CHD5: variants seen among roughly 807,000 people sequenced by gnomAD.
The protein encoded by CHD5 is ATP-dependent chromatin remodeler CHD5.
Under a neutral mutation model 230.3 loss-of-function variants are expected in CHD5, and 69 were observed. The observed-to-expected ratio is 0.30, with a 90% CI of 0.25 to 0.37. The LOEUF (loss-of-function observed/expected upper bound fraction) is 0.37, where lower values mean the gene tolerates loss of function less well. CHD5 is among the 10% of genes least tolerant of loss of function. CHD5 has a pLI of 1.00. For missense variants in CHD5, 1,827 were observed against 2,622.8 expected (o/e 0.70, Z 6.63); for synonymous variants, 1,064 against 1,065.9 (o/e 1.00, Z 0.03).
chr1:6,173,819 G>A (rs1054836324), intron 1 of CHD5, among the ~76,000 whole-genome samples: 13 of 152,280 alleles, frequency 8.5e-5, no homozygotes, highest in African/African-American at 2.6e-4. Flanking sequence ...TCAGGCTGCC[G>A]TTAGTCCTCG....
intron 17 of CHD5, 58 bp downstream of exon 17, chr1:6,136,459 C>T (rs1666748202): frequency 1.9e-6 from 3 of 1,598,268 alleles, no homozygotes; most frequent in Non-Finnish European, 2.6e-6. Flanking sequence ...ATTGATCCGT[C>T]TTCACTGGGG....
At chr1:6,168,126 G>A (rs1459872919) in intron 2 of CHD5, 24 bp downstream of exon 2, 11 of 1,582,384 alleles carry the variant, frequency 7.0e-6, no homozygotes, top group South Asian at 2.3e-5. Flanking sequence ...CCCCAAGCTC[G>A]CCGGCGCAGG....
intron 2 of CHD5, among the ~76,000 whole-genome samples, chr1:6,165,907 C>A (rs568111246): frequency 3.3e-5 from 5 of 151,986 alleles, no homozygotes; most frequent in African/African-American, 1.2e-4. Context: ...TTTGAGACCC[C>A]GGGGAAGATG....
Position 6,167,280 on chromosome 1 carries a change from C to A in CHD5, c.207+870G>T, listed in dbSNP as rs1367665087. ...CTGGATTCAGATCTCAGCACCACCA[C>A]TGTGTCACTGTGTGACCTTGGGCCA... On this transcript the variant is annotated intron_variant, in intron 2 of 41. Transcript: ENST00000262450. The surrounding 1 kb of genome is among the most constrained non-coding windows in gnomAD (Gnocchi z 4.5). Among the ~76,000 whole-genome samples, 1 of 152,218 alleles carries A rather than the reference C, an allele frequency of 6.6e-6. No individual in the cohort carries two copies. The highest frequency in any genetic ancestry group is 2.4e-5 in the African/African-American group (1 of 41,454).
At chr1:6,179,088 G>C (rs903905943) in intron 1 of CHD5, among the ~76,000 whole-genome samples, 6 of 152,236 alleles carry the variant, frequency 3.9e-5, no homozygotes, top group African/African-American at 1.4e-4. Flanking sequence ...GTTAACTAAA[G>C]AACTGTCCCG....
chr1:6,108,743 CAG>C (rs1259753203), intron 38 of CHD5, among the ~76,000 whole-genome samples: 2 of 124,020 alleles, frequency 1.6e-5, no homozygotes, highest in African/African-American at 3.2e-5. Context: ...GATGGAGAGA[CAG>C]AGGGATGGAG....
In CHD5 at chr1:6,125,440, G is replaced by T; in HGVS notation, c.4260+84C>A. ...TCCGCCTCTACCTGGCATGAGACCC[G>T]GGGCAGTCCCCCAGCCCTCCTCCAT... On this transcript the variant is annotated intron_variant, in intron 28 of 41. Coordinates refer to ENST00000262450, the MANE Select transcript of CHD5 (RefSeq NM_015557.3). This position sits in a 1 kb window ranked among gnomAD's most constrained non-coding sequence, Gnocchi z 6.7. 1 of 1,420,408 alleles carries T rather than the reference G, an allele frequency of 7.0e-7. No individual in the cohort carries two copies. The highest frequency in any genetic ancestry group is 9.7e-7 in the Non-Finnish European group (1 of 1,033,978). The allele number at this position is 1,420,408 out of a possible 1,614,324, so 88.0% of individuals were successfully genotyped here. A position where few individuals can be genotyped will look rare whatever the true frequency, so the allele number is the denominator to read the frequency against.
In CHD5 at chr1:6,106,158, C is replaced by T; in HGVS notation, c.*46+76G>A. Reference sequence around the variant, plus strand: ...TAGGGACGGGAGTCAAGTGCAGGGGCAGGGCTGACTGTGGCCAGGCCTGGT... The same window carrying T: ...TAGGGACGGGAGTCAAGTGCAGGGGTAGGGCTGACTGTGGCCAGGCCTGGT... On this transcript the variant is annotated intron_variant, in intron 41 of 41. Coordinates refer to ENST00000262450, the MANE Select transcript of CHD5 (RefSeq NM_015557.3). 9 of 1,355,102 alleles carry T rather than the reference C, an allele frequency of 6.6e-6. No individual in the cohort carries two copies. The South Asian group carries it at 8.4e-5, about 13-fold the overall frequency. 83.9% of individuals were successfully genotyped at this position (1,355,102 alleles called of 1,614,324 possible).
intron 33 of CHD5, among the ~76,000 whole-genome samples, chr1:6,118,337 C>A (rs141905133): frequency 0.012 from 1,843 of 148,026 alleles, 32 homozygotes; most frequent in African/African-American, 0.039. Flanking sequence ...CAAGATCATG[C>A]CACTGCACTC....
At chr1:6,163,526 G>A (rs1667209155) in intron 2 of CHD5, among the ~76,000 whole-genome samples, 1 of 152,180 alleles carries the variant, frequency 6.6e-6, no homozygotes, top group South Asian at 2.1e-4. Flanking sequence ...CCTTTTTGTG[G>A]TGTTTTTCCA....
At chr1:6,136,327 T>A (rs1666746027) in intron 17 of CHD5, among the ~76,000 whole-genome samples, 190 bp downstream of exon 17, 2 of 152,196 alleles carry the variant, frequency 1.3e-5, no homozygotes, top group Non-Finnish European at 2.9e-5. Context: ...CATTCCCATG[T>A]GCCCACGCCA....
rs186731750 is a variant in CHD5, at chr1:6,121,376, C to T, written c.4779+118G>A. 11 of 1,499,520 alleles carry T rather than the reference C, an allele frequency of 7.3e-6. No individual in the cohort carries two copies. The highest frequency in any genetic ancestry group is 1.0e-5 in the Non-Finnish European group (11 of 1,091,310). 92.9% of individuals were successfully genotyped at this position (1,499,520 alleles called of 1,614,324 possible). A position where few individuals can be genotyped will look rare whatever the true frequency, so the allele number is the denominator to read the frequency against. On this transcript the variant is annotated intron_variant, in intron 32 of 41. Transcript: ENST00000262450. The surrounding 1 kb of genome is among the most constrained non-coding windows in gnomAD (Gnocchi z 4.5). ...AGCCTGCTCCCCGCCGATTCAGAGC[C>T]CCGAAAAGGGAGCCAGGAGGCCTGG...
intron 15 of CHD5, among the ~76,000 whole-genome samples, chr1:6,139,129 A>C (rs2100854484): frequency 6.6e-6 from 1 of 152,276 alleles, no homozygotes; most frequent in African/African-American, 2.4e-5. Flanking sequence ...TTCATGTTTA[A>C]TGGGGACAGT....
At chr1:6,136,437 C>A in intron 17 of CHD5, 80 bp downstream of exon 17, 1 of 1,534,320 alleles carries the variant, frequency 6.5e-7, no homozygotes, top group East Asian at 2.3e-5. Context: ...GGTCTCACAG[C>A]CAGGATGGGC....
intron 1 of CHD5, among the ~76,000 whole-genome samples, chr1:6,177,084 G>A (rs1667439335): frequency 1.3e-5 from 2 of 152,242 alleles, no homozygotes; most frequent in Non-Finnish European, 1.5e-5. Flanking sequence ...GGGGAGGTGG[G>A]AGATGAGCAG....
intron 2 of CHD5, among the ~76,000 whole-genome samples, chr1:6,164,934 G>A (rs1382552434): frequency 1.3e-5 from 2 of 152,198 alleles, no homozygotes; most frequent in Non-Finnish European, 2.9e-5. Context: ...AAAGGAGAGA[G>A]AGGAGATGCC....
chr1:6,102,022 C>T lies in CHD5; in HGVS notation c.*3452G>A. The T allele has an allele frequency of 5.1e-6, 2 of 389,098 alleles. No homozygotes were observed. Among genetic ancestry groups the T allele is most frequent in the Non-Finnish European group, 5.2e-6 (1 of 193,976 alleles). 24.1% of individuals were successfully genotyped at this position (389,098 alleles called of 1,614,324 possible). On this transcript the variant is annotated 3_prime_UTR_variant, in exon 42 of 42. Coordinates refer to ENST00000262450, the MANE Select transcript of CHD5 (RefSeq NM_015557.3). The stretch of plus-strand genomic sequence containing the variant: ...CACCCAGCCCAGGGCCCTCCCTTTG[C>T]CAGCCTGGGGCTGTGCCTGGGGAAA...
intron 36 of CHD5, among the ~76,000 whole-genome samples, chr1:6,110,733 G>A (rs958093169): frequency 1.3e-5 from 2 of 152,222 alleles, no homozygotes; most frequent in African/African-American, 4.8e-5. Context: ...TGCCCTGGGT[G>A]CACCAGACAC....
rs1468090527 is a variant in CHD5, at chr1:6,146,854, G to A, written c.1401C>T (p.Gly467=). 1 of 1,521,250 alleles carries A rather than the reference G, an allele frequency of 6.6e-7. No individual in the cohort carries two copies. 94.2% of individuals were successfully genotyped at this position (1,521,250 alleles called of 1,614,324 possible). The change falls in exon 10 of 42, where the codon GGC becomes GGT. Residue 467 remains glycine (G), a synonymous_variant. Coordinates refer to ENST00000262450, the MANE Select transcript of CHD5 (RefSeq NM_015557.3). The surrounding 1 kb of genome is among the most constrained non-coding windows in gnomAD (Gnocchi z 5.1). ...CPRCTCPPLK[G]KVQRILHWRW... is the part of the protein sequence containing the mutation. ...TCCAGTGTAGAATCCGCTGGACTTT[G>A]CCCTTCAGTGGGGGGCACTGTGGAC...
Sources: allele counts gnomAD v4.1 joint callset (sites outside exome capture counted in the v4.1 genomes callset), GRCh38; gene constraint gnomAD v4.1.1; non-coding constraint Gnocchi (gnomAD v3.1); transcripts MANE v1.5; gene names NCBI Gene and HGNC (gene_info 2026-07-23, HGNC 2026-07-21).